ATF3: variants seen among roughly 807,000 people sequenced by gnomAD.
ATF3 encodes the protein activating transcription factor 3, also known as cyclic AMP-dependent transcription factor ATF-3.
Under a neutral mutation model 18.4 loss-of-function variants are expected in ATF3, and 10 were observed. That is an observed-to-expected ratio of 0.54 (90% CI 0.34 to 0.92). The LOEUF is 0.92. Ranked by LOEUF, ATF3 falls within the 40% of genes least tolerant of loss-of-function variation. The probability of loss-of-function intolerance (pLI) is 0.02; values close to 1 mark genes in which losing one functional copy is unlikely to be tolerated. For missense variants in ATF3, 183 were observed against 222.3 expected (o/e 0.82, Z 1.12); for synonymous variants, 78 against 87.9 (o/e 0.89, Z 0.63).
chr1:212,597,964 G>A (rs908543938), intron 1 of ATF3, among the ~76,000 whole-genome samples: 1 of 152,144 alleles, frequency 6.6e-6, no homozygotes, highest in Non-Finnish European at 1.5e-5. Flanking sequence ...ATTAAGCCAG[G>A]ATTTGATTTG....
rs11571556 is a variant in ATF3, at chr1:212,620,089, T to C, written c.*534T>C. The C allele has an allele frequency of 1.1e-3, 195 of 173,198 alleles. 5 individuals are homozygous for C. The East Asian group carries it at 0.027, about 24-fold the overall frequency. The allele number at this position is 173,198 out of a possible 1,614,324, so 10.7% of individuals were successfully genotyped here. On this transcript the variant is annotated 3_prime_UTR_variant, in exon 4 of 4. Coordinates refer to ENST00000341491, the MANE Select transcript of ATF3 (RefSeq NM_001674.4). ...AAAACTAGGCAATGTACTCTTCCGA[T>C]GTTTGTGTCACACAACACTGATGTG...
chr1:212,571,961 C>T (rs1288061866), intron 1 of ATF3, among the ~76,000 whole-genome samples: 1 of 151,920 alleles, frequency 6.6e-6, no homozygotes, highest in Non-Finnish European at 1.5e-5. Context: ...ATCCGCCCGG[C>T]TCGGCCTCCC....
intron 2 of ATF3, 132 bp from the exon 3 acceptor site, chr1:212,617,995 T>G (rs1655204712): frequency 1.3e-6 from 1 of 781,942 alleles, no homozygotes; most frequent in East Asian, 2.7e-5. Context: ...GTCTAGAGCT[T>G]TAGTATTTCG....
intron 1 of ATF3, among the ~76,000 whole-genome samples, chr1:212,591,748 A>G (rs1045193843): frequency 6.6e-6 from 1 of 152,150 alleles, no homozygotes. Context: ...TACTTTGCCA[A>G]TCTTATCTCA....
In ATF3 at chr1:212,619,873, G is replaced by A. The variant is rs1018464511; in HGVS notation, c.*318G>A. The stretch of plus-strand genomic sequence containing the variant: ...TCTGGATTCTACAAAAAACCAGGAT[G>A]CCCACCGTTAGGATTCAGGCAGCAG... On this transcript the variant is annotated 3_prime_UTR_variant, in exon 4 of 4. Coordinates refer to ENST00000341491, the MANE Select transcript of ATF3 (RefSeq NM_001674.4). This position sits in a 1 kb window ranked among gnomAD's most constrained non-coding sequence, Gnocchi z 4.4. 5.8e-5 allele frequency: 19 copies of A among 329,964 alleles called. No individual in the cohort carries two copies. The highest frequency in any genetic ancestry group is 1.2e-4 in the Admixed American group (3 of 24,186). 20.4% of individuals were successfully genotyped at this position (329,964 alleles called of 1,614,324 possible).
intron 1 of ATF3, among the ~76,000 whole-genome samples, chr1:212,609,712 G>T (rs1241194821): frequency 1.3e-5 from 2 of 152,260 alleles, no homozygotes; most frequent in Admixed American, 1.3e-4. Flanking sequence ...TCCTTCGGCG[G>T]GTCCGCGGGA....
In ATF3 at chr1:212,583,639, C is replaced by T. The variant is rs748946838; in HGVS notation, c.-5+18156C>T. Among the ~76,000 whole-genome samples the T allele has an allele frequency of 7.8e-4, 119 of 152,314 alleles. 1 individual carries two copies. Among genetic ancestry groups the T allele is most frequent in the Non-Finnish European group, 1.4e-3 (96 of 68,030 alleles). The stretch of plus-strand genomic sequence containing the variant: ...CAGGGGCTGTGGCCCTGAAGAAACA[C>T]GACCACTGTCGGAACAAAACCCTGG... On this transcript the variant is annotated intron_variant, in intron 1 of 3. Coordinates refer to the ATF3 transcript ENST00000366981.
At chr1:212,608,182 C>T (rs183645211), upstream of ATF3, among the ~76,000 whole-genome samples, 2 of 152,380 alleles carry the variant, frequency 1.3e-5, no homozygotes, top group East Asian at 3.9e-4. Flanking sequence ...GCCCCTACTC[C>T]GCCCCTGCTA....
At chr1:212,609,385 G>A (rs974633223) in intron 1 of ATF3, among the ~76,000 whole-genome samples, 1 of 143,524 alleles carries the variant, frequency 7.0e-6, no homozygotes, top group African/African-American at 2.5e-5. Flanking sequence ...TGGGGGGGGG[G>A]GGGCGCAGAG....
intron 1 of ATF3, among the ~76,000 whole-genome samples, chr1:212,594,608 T>G (rs1465139042): frequency 6.6e-6 from 1 of 152,082 alleles, no homozygotes; most frequent in African/African-American, 2.4e-5. Flanking sequence ...CAGAAGAGTC[T>G]CAGATGAGGG....
intron 1 of ATF3, among the ~76,000 whole-genome samples, chr1:212,567,807 T>G (rs1664410750): frequency 6.6e-6 from 1 of 152,106 alleles, no homozygotes; most frequent in African/African-American, 2.4e-5. Context: ...TTCTTAAAGC[T>G]CCTTTGTCTC....
upstream of ATF3, among the ~76,000 whole-genome samples, chr1:212,607,386 T>A (rs1654666824): frequency 6.6e-6 from 1 of 152,202 alleles, no homozygotes; most frequent in African/African-American, 2.4e-5. Context: ...CACACTTGTG[T>A]CTACAAATAG....
intron 1 of ATF3, 68 bp from the exon 2 acceptor site, chr1:212,614,950 G>A (rs551075020): frequency 4.3e-6 from 7 of 1,613,300 alleles, no homozygotes; most frequent in Admixed American, 1.7e-5. Context: ...GAGGTCTGGT[G>A]GGGGAGGGGG....
chr1:212,575,043 T>C (rs1664549213), intron 1 of ATF3, among the ~76,000 whole-genome samples: 1 of 152,112 alleles, frequency 6.6e-6, no homozygotes, highest in Non-Finnish European at 1.5e-5. Flanking sequence ...ATTTTTAATA[T>C]GAAAATTTCA....
At position 212,619,607 on chromosome 1, in the gene ATF3, T is replaced by C; in HGVS notation, c.*52T>C. 6.2e-7 allele frequency: 1 copy of C among 1,601,406 alleles called. No homozygotes were observed. The highest frequency in any genetic ancestry group is 8.5e-7 in the Non-Finnish European group (1 of 1,173,198). On this transcript the variant is annotated 3_prime_UTR_variant, in exon 4 of 4. Transcript: ENST00000341491. This position sits in a 1 kb window ranked among gnomAD's most constrained non-coding sequence, Gnocchi z 4.4. Reference sequence around the variant, plus strand: ...GAGTCCTCATTGAATCCTCATTTTATACCCAAAACCCTGAAGCCATTGGAG... The same window carrying C: ...GAGTCCTCATTGAATCCTCATTTTACACCCAAAACCCTGAAGCCATTGGAG...
At chr1:212,605,686 C>A (rs1192969375), upstream of ATF3, among the ~76,000 whole-genome samples, 3 of 152,378 alleles carry the variant, frequency 2.0e-5, no homozygotes, top group South Asian at 6.2e-4. Flanking sequence ...GATTTGGTTG[C>A]CACGAGTGGG....
chr1:212,619,679 C>A lies in ATF3; in HGVS notation c.*124C>A. On this transcript the variant is annotated 3_prime_UTR_variant, in exon 4 of 4. Transcript: ENST00000341491. This position sits in a 1 kb window ranked among gnomAD's most constrained non-coding sequence, Gnocchi z 4.4. ...TAGAATCCCAGCAGCAGAGAACCAT[C>A]AAGGCGGGAGGGCCTGCAGTGATTC... 1.4e-6 allele frequency: 2 copies of A among 1,389,998 alleles called. No homozygotes were observed. The highest frequency in any genetic ancestry group is 2.0e-6 in the Non-Finnish European group (2 of 1,011,364). The allele number at this position is 1,389,998 out of a possible 1,614,324, so 86.1% of individuals were successfully genotyped here.
chr1:212,596,801 A>T (rs1034546294), intron 1 of ATF3, among the ~76,000 whole-genome samples: 1 of 152,258 alleles, frequency 6.6e-6, no homozygotes, highest in East Asian at 1.9e-4. Context: ...TGCTGAAGAG[A>T]TAACACTGGT....
At chr1:212,578,718 C>T (rs1334175839) in intron 1 of ATF3, among the ~76,000 whole-genome samples, 2 of 152,142 alleles carry the variant, frequency 1.3e-5, no homozygotes, top group Non-Finnish European at 2.9e-5. Context: ...AGGCTCATTT[C>T]AGGGGAAAGT....
Sources: gnomAD v4.1 joint callset for allele counts (sites outside exome capture counted in the v4.1 genomes callset) on GRCh38, gnomAD v4.1.1 for gene constraint, Gnocchi (gnomAD v3.1) non-coding constraint, MANE v1.5 for transcripts, NCBI Gene and HGNC (gene_info 2026-07-23, HGNC 2026-07-21) for gene names.